CTNNA2: variants seen among roughly 807,000 people sequenced by gnomAD.
CTNNA2 encodes the protein catenin alpha 2.
Under a neutral mutation model 101.0 loss-of-function variants are expected in CTNNA2, and 42 were observed. The observed-to-expected ratio is 0.42, with a 90% CI of 0.32 to 0.54. The LOEUF (loss-of-function observed/expected upper bound fraction) is 0.54, where lower values mean the gene tolerates loss of function less well. Ranked by LOEUF, CTNNA2 falls within the 20% of genes least tolerant of loss-of-function variation. The probability of loss-of-function intolerance (pLI) is 0.14; values close to 1 mark genes in which losing one functional copy is unlikely to be tolerated. For missense variants in CTNNA2, 871 were observed against 1,223.1 expected, an observed-to-expected ratio of 0.71 and a Z score of 4.29; for synonymous variants, 450 against 456.4, an observed-to-expected ratio of 0.99 and a Z score of 0.18.
chr2:79,602,873 T>C (rs180758908), intron 1 of CTNNA2, among the ~76,000 whole-genome samples: 3 of 152,254 alleles, frequency 2.0e-5, no homozygotes, highest in Admixed American at 2.0e-4. Flanking sequence ...AGTAAAGATG[T>C]CACTTCCCCA....
chr2:79,932,703 C>T (rs1687530674), intron 7 of CTNNA2, among the ~76,000 whole-genome samples: 1 of 152,072 alleles, frequency 6.6e-6, no homozygotes, highest in Non-Finnish European at 1.5e-5. Flanking sequence ...GTACTCAAGA[C>T]TTTGTACATT....
intron 7 of CTNNA2, among the ~76,000 whole-genome samples, chr2:80,148,374 G>A (rs771892161): frequency 1.3e-5 from 2 of 152,186 alleles, no homozygotes; most frequent in Non-Finnish European, 2.9e-5. Flanking sequence ...ACAGTCAGGT[G>A]GGCAATAGAA....
chr2:80,300,422 C>A (rs1273423821), intron 7 of CTNNA2, among the ~76,000 whole-genome samples: 1 of 151,820 alleles, frequency 6.6e-6, no homozygotes, highest in African/African-American at 2.4e-5. Flanking sequence ...TATTTTTAGG[C>A]ATACTGGTTT....
intron 1 of CTNNA2, among the ~76,000 whole-genome samples, chr2:79,621,347 A>G (rs1013341473): frequency 2.6e-5 from 4 of 152,140 alleles, no homozygotes; most frequent in Non-Finnish European, 5.9e-5. Flanking sequence ...ATTCTCCGTT[A>G]TTGTCCATGG....
intron 7 of CTNNA2, among the ~76,000 whole-genome samples, chr2:80,055,665 C>T (rs556519069): frequency 1.3e-5 from 2 of 152,128 alleles, no homozygotes; most frequent in East Asian, 1.9e-4. Flanking sequence ...GAGCTGCACT[C>T]GTCTTTAGGC....
At chr2:79,597,623 A>G (rs1164219462) in intron 1 of CTNNA2, among the ~76,000 whole-genome samples, 1 of 152,184 alleles carries the variant, frequency 6.6e-6, no homozygotes, top group African/African-American at 2.4e-5. Context: ...TTTTAAATTT[A>G]CAAACTTTAT....
chr2:79,409,161 G>A (rs190477661), intron 4 of CTNNA2, among the ~76,000 whole-genome samples: 1 of 152,104 alleles, frequency 6.6e-6, no homozygotes, highest in Non-Finnish European at 1.5e-5. Context: ...TTTCTTTCTT[G>A]TAAATTTGTT....
intron 7 of CTNNA2, among the ~76,000 whole-genome samples, chr2:80,067,375 T>C (rs549434600): frequency 5.3e-5 from 8 of 152,066 alleles, no homozygotes; most frequent in Admixed American, 5.2e-4. Context: ...TTTCAAAACA[T>C]CATGTTTTGA....
At chr2:79,760,184 C>A (rs894238424) in intron 3 of CTNNA2, among the ~76,000 whole-genome samples, 1 of 152,058 alleles carries the variant, frequency 6.6e-6, no homozygotes, top group Admixed American at 6.6e-5. Context: ...AAATCAGTGA[C>A]TGATAGATAG....
At chr2:79,948,002 C>T (rs1423966326) in intron 7 of CTNNA2, among the ~76,000 whole-genome samples, 2 of 152,224 alleles carry the variant, frequency 1.3e-5, no homozygotes, top group Admixed American at 6.5e-5. Context: ...CGTCCCTGCC[C>T]TGCAAGAAAG....
At chr2:80,536,527 T>C (rs1202791891) in intron 9 of CTNNA2, among the ~76,000 whole-genome samples, 4 of 152,290 alleles carry the variant, frequency 2.6e-5, no homozygotes, top group Non-Finnish European at 5.9e-5. Context: ...ATTCAGTGTT[T>C]GGGAGTTGAA....
chr2:80,255,733 T>C (rs1380297855), intron 7 of CTNNA2, among the ~76,000 whole-genome samples: 1 of 152,164 alleles, frequency 6.6e-6, no homozygotes, highest in Non-Finnish European at 1.5e-5. Context: ...TTCCTATTGT[T>C]CCAGGAAAGG....
chr2:79,698,216 G>T (rs990128599), intron 2 of CTNNA2, among the ~76,000 whole-genome samples: 1 of 151,930 alleles, frequency 6.6e-6, no homozygotes, highest in Admixed American at 6.6e-5. Flanking sequence ...TAAACTATGT[G>T]TTTATTTCAA....
intron 3 of CTNNA2, among the ~76,000 whole-genome samples, chr2:79,356,013 C>A (rs755574457): frequency 2.0e-5 from 3 of 151,718 alleles, no homozygotes; most frequent in Admixed American, 2.0e-4. Flanking sequence ...TGTATAACCA[C>A]GTAACTGTTT....
chr2:80,502,649 C>A (rs1687966641), intron 9 of CTNNA2, among the ~76,000 whole-genome samples: 1 of 152,174 alleles, frequency 6.6e-6, no homozygotes, highest in Non-Finnish European at 1.5e-5. Context: ...TAGTGGTCAG[C>A]AGGCTGTCAG....
intron 8 of CTNNA2, among the ~76,000 whole-genome samples, chr2:80,397,529 G>T (rs1392673332): frequency 6.6e-6 from 1 of 152,142 alleles, no homozygotes; most frequent in Non-Finnish European, 1.5e-5. Context: ...TTGTGATAGT[G>T]AATAAGTCTC....
At chr2:80,457,354 G>GTGCCC (rs766196531) in intron 9 of CTNNA2, among the ~76,000 whole-genome samples, 1 of 152,056 alleles carries the variant, frequency 6.6e-6, no homozygotes, top group Non-Finnish European at 1.5e-5. Flanking sequence ...GTGAGTCACT[G>GTGCCC]TGCCCGACTG....
At chr2:80,404,835 T>C (rs1030181327) in intron 8 of CTNNA2, among the ~76,000 whole-genome samples, 2 of 152,192 alleles carry the variant, frequency 1.3e-5, no homozygotes, top group African/African-American at 4.8e-5. Context: ...GTTAGAAAAT[T>C]GAGTTAAGAT....
At chr2:80,618,181 G>C (rs1436773928) in intron 17 of CTNNA2, among the ~76,000 whole-genome samples, 2 of 151,740 alleles carry the variant, frequency 1.3e-5, no homozygotes, top group Non-Finnish European at 2.9e-5. Context: ...ACTAGACTTG[G>C]TAAATAAAGC....
Sources: allele counts gnomAD v4.1 joint callset (sites outside exome capture counted in the v4.1 genomes callset), GRCh38; gene constraint gnomAD v4.1.1; transcripts MANE v1.5; gene names NCBI Gene and HGNC (gene_info 2026-07-23, HGNC 2026-07-21).